DLG2: variants seen among roughly 807,000 people sequenced by gnomAD.
The protein encoded by DLG2 is discs large MAGUK scaffold protein 2, also known as disks large homolog 2.
Under a neutral mutation model 132.5 loss-of-function variants are expected in DLG2, and 45 were observed. The ratio of observed to expected loss-of-function variants is 0.34; its 90% CI spans 0.27 to 0.44. The LOEUF is 0.44. DLG2 is among the 20% of genes least tolerant of loss of function. The pLI is 1.00. For missense variants in DLG2, 1,045 were observed against 1,196.9 expected, an observed-to-expected ratio of 0.87 and a Z score of 1.87; for synonymous variants, 424 against 419.6, an observed-to-expected ratio of 1.01 and a Z score of -0.13.
In DLG2 at chr11:85,299,723, G is replaced by A. The variant is rs115370928; in HGVS notation, c.41-14358C>T. On this transcript the variant is annotated intron_variant, in intron 3 of 27. Coordinates refer to ENST00000376104, the MANE Select transcript of DLG2 (RefSeq NM_001142699.3). ...TTGTTAAAAAACAGATTACTGGGCT[G>A]TATCACCAGAGTTTCTGATTCAGTA... 4.7e-3 allele frequency among the ~76,000 whole-genome samples: 712 copies of A among 152,186 alleles called. 5 individuals carry two copies. Among genetic ancestry groups the A allele is most frequent in the African/African-American group, 0.016 (653 of 41,530 alleles).
At chr11:84,973,150 G>T (rs1420675553) in intron 6 of DLG2, among the ~76,000 whole-genome samples, 1 of 151,836 alleles carries the variant, frequency 6.6e-6, no homozygotes. Context: ...GTAGAGACGG[G>T]GTTTCGCCAT....
intron 7 of DLG2, among the ~76,000 whole-genome samples, chr11:84,530,804 C>T (rs1426986396): frequency 6.6e-6 from 1 of 152,178 alleles, no homozygotes; most frequent in Non-Finnish European, 1.5e-5. Flanking sequence ...AATTGTTCTG[C>T]CGTTAAGACA....
chr11:84,363,844 G>C (rs1197154038), intron 7 of DLG2, among the ~76,000 whole-genome samples: 1 of 151,796 alleles, frequency 6.6e-6, no homozygotes, highest in East Asian at 1.9e-4. Context: ...TATTTCTGAG[G>C]GCTCTGTTCT....
chr11:85,286,562 T>C lies in DLG2; in HGVS notation c.41-1197A>G, dbSNP rs78935008. Among the ~76,000 whole-genome samples the C allele has an allele frequency of 5.3e-4, 80 of 152,236 alleles. No individual in the cohort carries two copies. The East Asian group carries it at 0.013, about 25-fold the overall frequency. On this transcript the variant is annotated intron_variant, in intron 3 of 27. Transcript: ENST00000376104. Reference sequence around the variant, plus strand: ...TGCTAAAGAGTAATGAACACTGTCATATTATATTAGCAATGAGGGTGTCTA... The same window carrying C: ...TGCTAAAGAGTAATGAACACTGTCACATTATATTAGCAATGAGGGTGTCTA...
intron 6 of DLG2, among the ~76,000 whole-genome samples, chr11:84,687,684 T>C (rs917223557): frequency 6.6e-6 from 1 of 152,234 alleles, no homozygotes; most frequent in African/African-American, 2.4e-5. Flanking sequence ...TTTGAATGAC[T>C]AACATCACCT....
At position 84,059,484 on chromosome 11, in the gene DLG2, C is replaced by T. The variant is rs1182048027; in HGVS notation, c.750G>A (p.Arg250=). Residue 250 remains arginine, a splice_region_variant and synonymous_variant, in exon 11 of 28, where the codon AGG becomes AGA. Transcript: ENST00000376104. ...GGAAAEDGRL[R]VNDCILRVNE... ...TCACCCGCAAGATACAATCATTGAC[C>T]CTGCAAGGAAGGAAAAGAGTCAAGA... is the stretch of plus-strand genomic sequence containing the variant. 6.4e-7 allele frequency: 1 copy of T among 1,569,100 alleles called. No homozygotes were observed. Among genetic ancestry groups the T allele is most frequent in the African/African-American group, 1.4e-5 (1 of 72,798 alleles).
At position 84,231,620 on chromosome 11, in the gene DLG2, T is replaced by C. The variant is rs533215753; in HGVS notation, c.573+19618A>G. On this transcript the variant is annotated intron_variant, in intron 8 of 27. Coordinates refer to ENST00000376104, the MANE Select transcript of DLG2 (RefSeq NM_001142699.3). The stretch of plus-strand genomic sequence containing the variant: ...CTGTGTAGTGGAATCATAGGGAATA[T>C]TGTGTGAAAGGAATGGAGGAAGATA... 7.1e-4 allele frequency among the ~76,000 whole-genome samples: 108 copies of C among 152,158 alleles called. 2 individuals carry two copies. In the South Asian group the frequency reaches 0.02, roughly 28 times the overall value.
Position 83,510,718 on chromosome 11 carries a change from A to T in DLG2, c.2193+21990T>A, listed in dbSNP as rs1293347236. On this transcript the variant is annotated intron_variant, in intron 21 of 27. Transcript: ENST00000376104. The stretch of plus-strand genomic sequence containing the variant: ...AATATTTCCTTGAGGTATCTTTCAG[A>T]TGCTAAATGCAAGTAGACTGTGTTT... Among the ~76,000 whole-genome samples, 5 of 151,408 alleles carry T rather than the reference A, an allele frequency of 3.3e-5. No individual in the cohort carries two copies. The East Asian group carries it at 9.8e-4, about 30-fold the overall frequency.
intron 3 of DLG2, among the ~76,000 whole-genome samples, chr11:85,583,088 A>G (rs1416792159): frequency 3.0e-4 from 9 of 29,850 alleles, no homozygotes; most frequent in Admixed American, 4.0e-4. Flanking sequence ...AATATATGTG[A>G]TGTGTGTGTG....
At chr11:84,916,287 T>C (rs1485317506) in intron 6 of DLG2, among the ~76,000 whole-genome samples, 106 of 122,138 alleles carry the variant, frequency 8.7e-4, no homozygotes, top group African/African-American at 3.3e-3. Flanking sequence ...AGGCGGAGCA[T>C]GCAGTGAGCC....
intron 6 of DLG2, among the ~76,000 whole-genome samples, chr11:84,554,149 G>C (rs972588743): frequency 3.3e-5 from 5 of 152,138 alleles, no homozygotes; most frequent in Non-Finnish European, 5.9e-5. Context: ...TTGTAGTTCT[G>C]TGTGTTTTAT....
intron 6 of DLG2, among the ~76,000 whole-genome samples, chr11:85,033,839 C>G (rs755800456): frequency 2.0e-5 from 3 of 152,064 alleles, no homozygotes; most frequent in Non-Finnish European, 4.4e-5. Flanking sequence ...TGTATTAATT[C>G]CACTGGAATA....
chr11:85,456,298 G>A (rs1332158736), intron 3 of DLG2, among the ~76,000 whole-genome samples: 2 of 151,956 alleles, frequency 1.3e-5, no homozygotes, highest in Non-Finnish European at 2.9e-5. Flanking sequence ...ATTTCTGTGG[G>A]GTTGGTGGTA....
At chr11:84,876,506 A>G (rs1732115121) in intron 6 of DLG2, among the ~76,000 whole-genome samples, 1 of 152,080 alleles carries the variant, frequency 6.6e-6, no homozygotes, top group South Asian at 2.1e-4. Flanking sequence ...GGTAGTTTGT[A>G]TTTCTGTGGG....
At chr11:84,147,571 T>C (rs1474515572) in intron 9 of DLG2, among the ~76,000 whole-genome samples, 2 of 152,104 alleles carry the variant, frequency 1.3e-5, no homozygotes, top group African/African-American at 2.4e-5. Context: ...CATGAGTTAA[T>C]AAAGAAAAGA....
intron 4 of DLG2, among the ~76,000 whole-genome samples, chr11:85,253,785 A>G (rs1478221618): frequency 6.6e-6 from 1 of 152,132 alleles, no homozygotes; most frequent in Non-Finnish European, 1.5e-5. Flanking sequence ...ATTGCCAATG[A>G]AAGTGGCTCT....
At chr11:84,177,188 A>T (rs1288736575) in intron 8 of DLG2, among the ~76,000 whole-genome samples, 2 of 152,130 alleles carry the variant, frequency 1.3e-5, no homozygotes, top group East Asian at 3.9e-4. Context: ...TCCTCTGCTT[A>T]GGATGGTCTT....
intron 8 of DLG2, among the ~76,000 whole-genome samples, chr11:84,209,755 C>T (rs530777925): frequency 4.6e-5 from 7 of 152,002 alleles, no homozygotes; most frequent in Non-Finnish European, 8.8e-5. Context: ...ATGCCAAAAG[C>T]GCAATGAGAT....
At chr11:83,596,396 A>G (rs1001458312) in intron 19 of DLG2, among the ~76,000 whole-genome samples, 2 of 152,128 alleles carry the variant, frequency 1.3e-5, no homozygotes, top group Non-Finnish European at 2.9e-5. Context: ...TAACATTGCT[A>G]TCACTATTGA....
Sources: gnomAD v4.1 joint callset for allele counts (sites outside exome capture counted in the v4.1 genomes callset) on GRCh38, gnomAD v4.1.1 for gene constraint, MANE v1.5 for transcripts, NCBI Gene and HGNC (gene_info 2026-07-23, HGNC 2026-07-21) for gene names.